Variants in FMNL1 observed in about 807,000 individuals in gnomAD.
The protein encoded by FMNL1 is formin-like protein 1.
A neutral mutation model predicts 121.3 loss-of-function variants in FMNL1; 43 were observed. The ratio of observed to expected loss-of-function variants is 0.35; its 90% CI spans 0.28 to 0.46. The LOEUF (loss-of-function observed/expected upper bound fraction) is 0.46. Ranked by LOEUF, FMNL1 falls within the 20% of genes least tolerant of loss-of-function variation. The pLI is 1.00. For missense variants in FMNL1, 1,191 were observed against 1,482.4 expected, an observed-to-expected ratio of 0.80 and a Z score of 3.23; for synonymous variants, 613 against 613.5, an observed-to-expected ratio of 1.00 and a Z score of 0.01.
In FMNL1 at chr17:45,239,021, C is replaced by G. The variant is rs1281079121; in HGVS notation, c.1036C>G (p.Leu346Val). Residue 346 changes from leucine to valine, a missense_variant, in exon 11 of 27, where the codon CTG becomes GTG. By Grantham distance (32) the Leu-to-Val change is conservative. This residue lies in a region of FMNL1 where 253 missense variants were observed against 417.5 expected (regional missense o/e 0.61). Coordinates refer to ENST00000331495, the MANE Select transcript of FMNL1 (RefSeq NM_005892.4). ...GGAGAACATGAACTTCCGTGTCTTC[C>G]TGCAATATGAGTTCACCCACTTGGG... ...SVENMNFRVF[L>V]QYEFTHLGLD... 1.2e-6 allele frequency: 2 copies of G among 1,614,054 alleles called. No individual in the cohort carries two copies. The highest frequency in any genetic ancestry group is 1.7e-6 in the Non-Finnish European group (2 of 1,180,028).
chr17:45,231,337 G>C lies in FMNL1; in HGVS notation c.213+650G>C, dbSNP rs965314730. On this transcript the variant is annotated intron_variant, in intron 2 of 26. Coordinates refer to ENST00000331495, the MANE Select transcript of FMNL1 (RefSeq NM_005892.4). The surrounding 1 kb of genome is among the most constrained non-coding windows in gnomAD (Gnocchi z 4.7). ...AAGGAGGGAGGCTGCAGAGGCTGGG[G>C]GTGGGGAGTTGGGAGCTGAGAGCCT... 1 of 152,388 alleles carries C rather than the reference G, an allele frequency of 6.6e-6. No individual in the cohort carries two copies. Among genetic ancestry groups the C allele is most frequent in the African/African-American group, 2.4e-5 (1 of 41,468 alleles). 9.4% of individuals were successfully genotyped at this position (152,388 alleles called of 1,614,324 possible). A position where few individuals can be genotyped will look rare whatever the true frequency, so the allele number is the denominator to read the frequency against.
At position 45,246,905 on chromosome 17, in the gene FMNL1, C is replaced by T. The variant is rs2043851448; in HGVS notation, c.*47C>T. ...GCCCTACATCCGCGCAGACACAGGC[C>T]GCCGCAGTGCCCGTCGGCGTCCCCC... On this transcript the variant is annotated 3_prime_UTR_variant, in exon 27 of 27. Transcript: ENST00000331495. 1.3e-6 allele frequency: 1 copy of T among 757,378 alleles called. No individual in the cohort carries two copies. Among genetic ancestry groups the T allele is most frequent in the Non-Finnish European group, 2.4e-6 (1 of 415,020 alleles). 46.9% of individuals were successfully genotyped at this position (757,378 alleles called of 1,614,324 possible). A position where few individuals can be genotyped will look rare whatever the true frequency, so the allele number is the denominator to read the frequency against.
chr17:45,237,514 C>G lies in FMNL1; in HGVS notation c.801-32C>G, dbSNP rs377527873. Reference sequence around the variant, plus strand: ...ACCCTTGCCGCGGGTCCTGCCTGTTCTCAAGGGACAACCTGCCCCTTCTCT... The same window carrying G: ...ACCCTTGCCGCGGGTCCTGCCTGTTGTCAAGGGACAACCTGCCCCTTCTCT... On this transcript the variant is annotated intron_variant, in intron 8 of 26. Coordinates refer to ENST00000331495, the MANE Select transcript of FMNL1 (RefSeq NM_005892.4). The surrounding 1 kb of genome is among the most constrained non-coding windows in gnomAD (Gnocchi z 4.4). 1 of 1,613,656 alleles carries G rather than the reference C, an allele frequency of 6.2e-7. No homozygotes were observed. The highest frequency in any genetic ancestry group is 8.5e-7 in the Non-Finnish European group (1 of 1,179,596).
In FMNL1 at chr17:45,246,967, G is replaced by T. The variant is rs1405239547; in HGVS notation, c.*109G>T. 2.7e-6 allele frequency: 2 copies of T among 742,772 alleles called. No homozygotes were observed. Among genetic ancestry groups the T allele is most frequent in the South Asian group, 1.4e-5 (1 of 70,896 alleles). 46.0% of individuals were successfully genotyped at this position (742,772 alleles called of 1,614,324 possible). A position where few individuals can be genotyped will look rare whatever the true frequency, so the allele number is the denominator to read the frequency against. ...TGCAGGTCACCTCCGACCTCTCGCT[G>T]TAGCCGCTATTTCTGCAGGTGGATT... On this transcript the variant is annotated 3_prime_UTR_variant, in exon 27 of 27. Transcript: ENST00000331495.
At chr17:45,230,347 TG>T (rs978207430) in intron 1 of FMNL1, among the ~76,000 whole-genome samples, 9 of 152,158 alleles carry the variant, frequency 5.9e-5, no homozygotes, top group Non-Finnish European at 1.0e-4. Context: ...GGAGGCGGTG[TG>T]GGGGGTGACA....
rs1275182718 is a variant in FMNL1 at position 45,244,008 on chromosome 17, G to A, written c.2431G>A (p.Ala811Thr). The change falls in exon 18 of 27, where the codon GCC becomes ACC. Residue 811 changes from alanine (A) to threonine (T), a missense_variant. Coordinates refer to ENST00000331495, the MANE Select transcript of FMNL1 (RefSeq NM_005892.4). ...CTTCCTGGGCAACTTCCCGGACACA[G>A]CCCAGCTGCTCATGCCGGTGTGGGC... The part of the protein sequence containing the change: ...LTFLGNFPDT[A>T]QLLMPQLNAI... 1 of 1,609,998 alleles carries A rather than the reference G, an allele frequency of 6.2e-7. No individual in the cohort carries two copies. The highest frequency in any genetic ancestry group is 1.7e-5 in the Admixed American group (1 of 59,986).
intron 3 of FMNL1, 34 bp downstream of exon 3, chr17:45,232,514 C>T: frequency 1.9e-6 from 3 of 1,603,262 alleles, no homozygotes; most frequent in Middle Eastern, 3.3e-4. Flanking sequence ...TGTCCCTTTC[C>T]CCCACATTTT....
chr17:45,242,515 G>A, intron 16 of FMNL1, 50 bp downstream of exon 16: 1 of 1,593,032 alleles, frequency 6.3e-7, no homozygotes, highest in South Asian at 1.1e-5. Flanking sequence ...GAAGAGGGGA[G>A]TTGCCTGGAT....
chr17:45,240,987 C>A (rs2043676409), intron 12 of FMNL1, 142 bp from the exon 13 acceptor site: 1 of 1,025,348 alleles, frequency 9.8e-7, no homozygotes, highest in Non-Finnish European at 1.4e-6. Flanking sequence ...GAGTGCCAGG[C>A]TCGGCCCACC....
At chr17:45,225,703 A>G in intron 1 of FMNL1, among the ~76,000 whole-genome samples, 1 of 152,152 alleles carries the variant, frequency 6.6e-6, no homozygotes, top group East Asian at 1.9e-4. Flanking sequence ...TTGAGGGGAC[A>G]GGGGTTACTT....
At position 45,233,325 on chromosome 17, in the gene FMNL1, T is replaced by C. The variant is rs1181750800; in HGVS notation, c.401+28T>C. On this transcript the variant is annotated intron_variant, in intron 4 of 26. Transcript: ENST00000331495. This position sits in a 1 kb window ranked among gnomAD's most constrained non-coding sequence, Gnocchi z 4.1. ...GAGTGAGGGCTCAGATCTTCCTCTC[T>C]GGGCCTAGGAAGGCTCTGCTTCCAG... The C allele has an allele frequency of 1.3e-6, 2 of 1,549,454 alleles. No individual in the cohort carries two copies. Among genetic ancestry groups the C allele is most frequent in the Non-Finnish European group, 1.7e-6 (2 of 1,146,398 alleles).
chr17:45,230,875 C>CA (rs948263657), intron 2 of FMNL1, among the ~76,000 whole-genome samples, 188 bp downstream of exon 2: 1 of 152,174 alleles, frequency 6.6e-6, no homozygotes, highest in Non-Finnish European at 1.5e-5. Context: ...TTCTCTTGAA[C>CA]TCCCCAAAAG....
At chr17:45,222,953 C>G (rs1039922389) in intron 1 of FMNL1, among the ~76,000 whole-genome samples, 2 of 152,088 alleles carry the variant, frequency 1.3e-5, no homozygotes, top group African/African-American at 4.8e-5. Flanking sequence ...GGAGCGGGGT[C>G]GCTGGGGAAT....
intron 24 of FMNL1, 106 bp downstream of exon 24, chr17:45,246,079 C>G: frequency 6.6e-7 from 1 of 1,520,628 alleles, no homozygotes; most frequent in Non-Finnish European, 8.8e-7. Flanking sequence ...TGACCCTGCC[C>G]CAGGAGCCTG....
In FMNL1 at chr17:45,237,727, C is replaced by A. The variant is rs2043583024; in HGVS notation, c.894+88C>A. On this transcript the variant is annotated intron_variant, in intron 9 of 26. Transcript: ENST00000331495. This position sits in a 1 kb window ranked among gnomAD's most constrained non-coding sequence, Gnocchi z 4.4. The stretch of plus-strand genomic sequence containing the variant: ...TGGCAGTTGTGGCCTTTGCTGGAGG[C>A]AGCTGGGGACATTGGGTGGGCATTT... 2 of 1,429,134 alleles carry A rather than the reference C, an allele frequency of 1.4e-6. No individual in the cohort carries two copies. The highest frequency in any genetic ancestry group is 2.0e-6 in the Non-Finnish European group (2 of 1,023,344). The allele number at this position is 1,429,134 out of a possible 1,614,324, so 88.5% of individuals were successfully genotyped here.
Position 45,247,083 on chromosome 17 carries a change from C to T in FMNL1, c.*225C>T. The T allele has an allele frequency of 1.6e-6, 1 of 612,294 alleles. No homozygotes were observed. The highest frequency in any genetic ancestry group is 3.0e-6 in the Non-Finnish European group (1 of 336,696). 37.9% of individuals were successfully genotyped at this position (612,294 alleles called of 1,614,324 possible). On this transcript the variant is annotated 3_prime_UTR_variant, in exon 27 of 27. Coordinates refer to ENST00000331495, the MANE Select transcript of FMNL1 (RefSeq NM_005892.4). ...GGGCAGCCCCTCCTCCGCTGTGGCC[C>T]GCCTCAAACGGGCTGGTGCATCCTC...
Position 45,240,655 on chromosome 17 carries a change from A to C in FMNL1, c.1230+30A>C, listed in dbSNP as rs370341196. On this transcript the variant is annotated intron_variant, in intron 12 of 26. Transcript: ENST00000331495. ...GAGTGGGTCCTGACCCCAGCCCAGC[A>C]CATCATAGGCCCACAGGGCACACGG... 64 of 1,604,436 alleles carry C rather than the reference A, an allele frequency of 4.0e-5. No homozygotes were observed. In the Admixed American group the frequency reaches 1.1e-3, roughly 27 times the overall value.
intron 12 of FMNL1, 110 bp downstream of exon 12, chr17:45,240,735 C>T: frequency 7.1e-7 from 1 of 1,416,428 alleles, no homozygotes; most frequent in Non-Finnish European, 9.4e-7. Flanking sequence ...TATAATTGTG[C>T]ATTGGAGGTG....
chr17:45,246,170 G>A (rs1164462616), intron 24 of FMNL1, 40 bp from the exon 25 acceptor site: 2 of 1,581,230 alleles, frequency 1.3e-6, no homozygotes, highest in Non-Finnish European at 1.7e-6. Context: ...TTTTGGTGAT[G>A]GGGAGGCATC....
Sources: gnomAD v4.1 joint callset for allele counts (sites outside exome capture counted in the v4.1 genomes callset) on GRCh38, gnomAD v4.1.1 for gene constraint, gnomAD v4.1.1 regional missense constraint, Gnocchi (gnomAD v3.1) non-coding constraint, MANE v1.5 for transcripts, NCBI Gene and HGNC (gene_info 2026-07-23, HGNC 2026-07-21) for gene names.